The following FZR1 variants were observed in gnomAD, a reference collection of about 807,000 sequenced individuals.
FZR1 encodes fizzy and cell division cycle 20 related 1, also known as fizzy-related protein homolog.
In FZR1, 11 loss-of-function variants were observed where a neutral mutation model predicts 63.6. The ratio of observed to expected loss-of-function variants is 0.17; its 90% CI spans 0.11 to 0.29. The LOEUF (loss-of-function observed/expected upper bound fraction) is 0.29. FZR1 is among the 10% of genes least tolerant of loss of function. The probability of loss-of-function intolerance (pLI) is 1.00; values close to 1 mark genes in which losing one functional copy is unlikely to be tolerated. For synonymous variants in FZR1, 328 were observed against 297.9 expected, an observed-to-expected ratio of 1.10 and a Z score of -1.04; for missense variants, 440 against 687.5, an observed-to-expected ratio of 0.64 and a Z score of 4.03.
Position 3,534,690 on chromosome 19 carries a change from C to A in FZR1, c.1441-105C>A, listed in dbSNP as rs571535792. ...GTGGCAGGCCGAGGCTGAACTGGCA[C>A]CTCCCAGCCCCTCAGGACCAAGCCC... is the stretch of plus-strand genomic sequence containing the variant. On this transcript the variant is annotated intron_variant, in intron 13 of 13. Transcript: ENST00000441788. 3.4e-4 allele frequency: 364 copies of A among 1,076,456 alleles called. 3 individuals carry two copies. In the East Asian group the frequency reaches 8.2e-3, roughly 24 times the overall value. 66.7% of individuals were successfully genotyped at this position (1,076,456 alleles called of 1,614,324 possible).
chr19:3,528,400 G>A (rs1260247404), intron 7 of FZR1, among the ~76,000 whole-genome samples: 8 of 152,208 alleles, frequency 5.3e-5, no homozygotes, highest in Admixed American at 5.2e-4. Context: ...CGCTGGCAGT[G>A]TCCCACACCC....
chr19:3,527,898 G>A, intron 7 of FZR1, 84 bp downstream of exon 7: 1 of 1,134,524 alleles, frequency 8.8e-7, no homozygotes, highest in Non-Finnish European at 1.3e-6. Flanking sequence ...GATCCAGGGA[G>A]CATCAGTACG....
At chr19:3,534,239 A>C in intron 12 of FZR1, 182 bp from the exon 13 acceptor site, 2 of 443,026 alleles carry the variant, frequency 4.5e-6, no homozygotes, top group South Asian at 7.4e-5. Context: ...AAAAAAAAAA[A>C]AAAAAAAAGG....
In FZR1 at chr19:3,525,848, C is replaced by T. The variant is rs758622573; in HGVS notation, c.70-20C>T. Reference sequence around the variant, plus strand: ...GGGGCTCTCGGTGCTGAGAGCAAGCCCTCTGCTGATGCCCTTCAGGTCACA... The same window carrying T: ...GGGGCTCTCGGTGCTGAGAGCAAGCTCTCTGCTGATGCCCTTCAGGTCACA... On this transcript the variant is annotated intron_variant, in intron 2 of 13. Coordinates refer to ENST00000441788, the MANE Select transcript of FZR1 (RefSeq NM_016263.4). The surrounding 1 kb of genome is among the most constrained non-coding windows in gnomAD (Gnocchi z 4.2). 1.1e-5 allele frequency: 17 copies of T among 1,608,342 alleles called. No individual in the cohort carries two copies. Among genetic ancestry groups the T allele is most frequent in the South Asian group, 2.2e-5 (2 of 91,012 alleles).
In FZR1 at chr19:3,527,785, G is replaced by A. The variant is rs967469604; in HGVS notation, c.625G>A (p.Val209Met). Residue 209 changes from valine to methionine, a missense_variant, in exon 7 of 14, where the codon GTG (valine) becomes ATG (methionine). By Grantham distance (21) the Val-to-Met change is conservative. Transcript: ENST00000441788. Reference sequence around the variant, plus strand: ...GCTCAGCGTGGGGCTAGGCACCTGCGTGTACCTGTGGAGTGCCTGTACCAG... The same window carrying A: ...GCTCAGCGTGGGGCTAGGCACCTGCATGTACCTGTGGAGTGCCTGTACCAG... ...NVLSVGLGTC[V>M]YLWSACTSQV... The A allele has an allele frequency of 1.3e-5, 21 of 1,612,490 alleles. No homozygotes were observed. The highest frequency in any genetic ancestry group is 1.7e-5 in the Non-Finnish European group (20 of 1,179,550).
intron 1 of FZR1, among the ~76,000 whole-genome samples, chr19:3,507,383 C>T (rs1353441736): frequency 6.6e-6 from 1 of 151,936 alleles, no homozygotes; most frequent in African/African-American, 2.4e-5. Flanking sequence ...ACACCCCCTC[C>T]CCCTCTTCCA....
At chr19:3,520,276 G>C (rs778382956) in intron 1 of FZR1, among the ~76,000 whole-genome samples, 5 of 152,170 alleles carry the variant, frequency 3.3e-5, no homozygotes, top group Non-Finnish European at 7.4e-5. Context: ...GGCCATTCTG[G>C]GCGAGGGAGA....
chr19:3,522,281 G>A (rs895646365), intron 1 of FZR1, among the ~76,000 whole-genome samples: 3 of 152,172 alleles, frequency 2.0e-5, no homozygotes, highest in African/African-American at 7.2e-5. Flanking sequence ...TCTCTGGAAC[G>A]TTCTTTGCGG....
intron 1 of FZR1, among the ~76,000 whole-genome samples, chr19:3,511,551 T>TA (rs1238376108): frequency 6.6e-6 from 1 of 152,102 alleles, no homozygotes; most frequent in East Asian, 1.9e-4. Context: ...CTCTATATTT[T>TA]AAAAACAAGA....
Sources: gnomAD v4.1 joint callset for allele counts (sites outside exome capture counted in the v4.1 genomes callset) on GRCh38, gnomAD v4.1.1 for gene constraint, Gnocchi (gnomAD v3.1) non-coding constraint, MANE v1.5 for transcripts, NCBI Gene and HGNC (gene_info 2026-07-23, HGNC 2026-07-21) for gene names.